The following CCDC158 variants were observed in gnomAD, a reference collection of about 807,000 sequenced individuals.
CCDC158 encodes the protein coiled-coil domain containing 158.
CCDC158 carries 116 observed loss-of-function variants against 138.6 expected under a neutral mutation model. The observed-to-expected ratio is 0.84, with a 90% confidence interval of 0.72 to 0.98. The LOEUF is 0.98. Among genes scored for constraint, CCDC158 ranks in the 50% least tolerant of loss-of-function variants. CCDC158 has a pLI of 0.00. For synonymous variants in CCDC158, 436 were observed against 442.4 expected (o/e 0.99, Z 0.18); for missense variants, 1,265 against 1,306.1 (o/e 0.97, Z 0.48).
chr4:76,392,985 A>T (rs1355116200), intron 4 of CCDC158, among the ~76,000 whole-genome samples: 1 of 152,104 alleles, frequency 6.6e-6, no homozygotes, highest in Non-Finnish European at 1.5e-5. Flanking sequence ...ATGGAAGAGG[A>T]CACTAAAAAT....
chr4:76,371,651 T>C, intron 9 of CCDC158, 115 bp from the exon 10 acceptor site: 2 of 1,304,630 alleles, frequency 1.5e-6, no homozygotes, highest in East Asian at 2.5e-5. Flanking sequence ...AAAAGTTCGT[T>C]GTGAGGCTGG....
intron 18 of CCDC158, among the ~76,000 whole-genome samples, chr4:76,349,035 A>G (rs2110163004): frequency 6.6e-6 from 1 of 152,274 alleles, no homozygotes; most frequent in South Asian, 2.1e-4. Context: ...TATACACCAA[A>G]CCAAAGAGAA....
At chr4:76,393,774 A>G (rs891029820) in intron 4 of CCDC158, among the ~76,000 whole-genome samples, 1 of 152,072 alleles carries the variant, frequency 6.6e-6, no homozygotes, top group African/African-American at 2.4e-5. Flanking sequence ...AGCTCAAACA[A>G]CTCTATAGGA....
At chr4:76,364,434 G>A (rs1724454888) in intron 12 of CCDC158, among the ~76,000 whole-genome samples, 1 of 152,168 alleles carries the variant, frequency 6.6e-6, no homozygotes, top group Non-Finnish European at 1.5e-5. Flanking sequence ...GCCAAACTAA[G>A]TTATGTGCTG....
rs1334007488 is a variant in CCDC158, at chr4:76,396,430, A to C, written c.127T>G (p.Ser43Ala). The change falls in exon 4 of 25, where the codon TCT becomes GCT. Residue 43 changes from serine (S) to alanine (A), a missense_variant. Physicochemically the swap from Ser to Ala is moderately conservative, Grantham distance 99. Coordinates refer to ENST00000682701, the MANE Select transcript of CCDC158 (RefSeq NM_001394954.1). ...ACCTGTGTCAAAGTCCCAGCTGAAG[A>C]TGTGTTTTCAATTATTGTACCACGA... ...SIRGTIIENTSSAGTLTQVPF... is the reference protein window; with the variant it reads ...SIRGTIIENTASAGTLTQVPF... 1 of 1,614,066 alleles carries C rather than the reference A, an allele frequency of 6.2e-7. No homozygotes were observed.
At chr4:76,330,894 G>A (rs560848646) in intron 21 of CCDC158, among the ~76,000 whole-genome samples, 4 of 152,142 alleles carry the variant, frequency 2.6e-5, no homozygotes, top group Admixed American at 2.6e-4. Flanking sequence ...CAAATTCACT[G>A]TATTTTGATC....
At chr4:76,402,146 T>C (rs895775744) in intron 3 of CCDC158, 2 of 152,290 alleles carry the variant, frequency 1.3e-5, no homozygotes, top group South Asian at 2.1e-4. Context: ...GCTTCTGAGA[T>C]AGACCATTAA....
At chr4:76,374,480 T>C (rs1560443150) in intron 9 of CCDC158, among the ~76,000 whole-genome samples, 1 of 152,218 alleles carries the variant, frequency 6.6e-6, no homozygotes, top group Non-Finnish European at 1.5e-5. Flanking sequence ...TCTTGTCTAG[T>C]TTCTGTTACA....
intron 23 of CCDC158, among the ~76,000 whole-genome samples, chr4:76,324,491 G>GT (rs1560783506): frequency 1.3e-5 from 2 of 151,958 alleles, no homozygotes; most frequent in African/African-American, 2.4e-5. Flanking sequence ...CCAGCCAGAA[G>GT]TTTTTAACAT....
Position 76,407,921 on chromosome 4 carries a change from C to T in CCDC158, c.-74+4169G>A, listed in dbSNP as rs1324368888. Among the ~76,000 whole-genome samples, 3 of 152,114 alleles carry T rather than the reference C, an allele frequency of 2.0e-5. No homozygotes were observed. The East Asian group carries it at 5.8e-4, about 29-fold the overall frequency. On this transcript the variant is annotated intron_variant, in intron 2 of 24. Coordinates refer to ENST00000682701, the MANE Select transcript of CCDC158 (RefSeq NM_001394954.1). ...TGAATGCTTGCGTTATTCATCATAA[C>T]TCACTATGAATGCTTGTGTTATTCA...
chr4:76,419,197 A>C (rs1447649787), intron 1 of CCDC158, among the ~76,000 whole-genome samples: 1 of 152,188 alleles, frequency 6.6e-6, no homozygotes, highest in African/African-American at 2.4e-5. Flanking sequence ...TACCTCCTTC[A>C]TATGCACCAC....
intron 4 of CCDC158, among the ~76,000 whole-genome samples, chr4:76,390,417 G>C (rs1314271335): frequency 6.6e-6 from 1 of 151,882 alleles, no homozygotes; most frequent in Non-Finnish European, 1.5e-5. Context: ...GCATGGTAGT[G>C]GGTTATCAGA....
intron 2 of CCDC158, among the ~76,000 whole-genome samples, chr4:76,404,596 AAAAC>A (rs141631842): frequency 6.6e-6 from 1 of 152,344 alleles, no homozygotes; most frequent in African/African-American, 2.4e-5. Flanking sequence ...AGAGAAATAA[AAAAC>A]AAAACTATAT....
At chr4:76,345,096 GC>G in intron 18 of CCDC158, 3 of 1,270,792 alleles carry the variant, frequency 2.4e-6, no homozygotes, top group Non-Finnish European at 3.5e-6. Flanking sequence ...AAAAATTGTT[GC>G]CGATGTCTAT....
intron 18 of CCDC158, among the ~76,000 whole-genome samples, chr4:76,337,926 G>A (rs932888285): frequency 2.0e-5 from 3 of 152,244 alleles, no homozygotes; most frequent in East Asian, 1.9e-4. Flanking sequence ...GACCGGTACC[G>A]GCCCATGGTC....
At chr4:76,333,162 A>G (rs1177480834) in intron 19 of CCDC158, among the ~76,000 whole-genome samples, 1 of 152,196 alleles carries the variant, frequency 6.6e-6, no homozygotes, top group Non-Finnish European at 1.5e-5. Context: ...ATTATTACTA[A>G]TAATTAACAA....
At chr4:76,317,235 A>T (rs1007942019) in intron 24 of CCDC158, among the ~76,000 whole-genome samples, 1 of 152,114 alleles carries the variant, frequency 6.6e-6, no homozygotes, top group Non-Finnish European at 1.5e-5. Context: ...TCTTCAAGAG[A>T]CTCACCTAAT....
intron 24 of CCDC158, among the ~76,000 whole-genome samples, chr4:76,322,718 G>C (rs767017272): frequency 2.4e-4 from 36 of 152,164 alleles, no homozygotes; most frequent in Non-Finnish European, 4.4e-4. Flanking sequence ...TGAATCATGA[G>C]GGCTCCCCCA....
chr4:76,418,729 C>T (rs1579131022), intron 1 of CCDC158, among the ~76,000 whole-genome samples: 1 of 152,114 alleles, frequency 6.6e-6, no homozygotes, highest in East Asian at 1.9e-4. Flanking sequence ...CCCCATGATT[C>T]AATTACCTTC....
Sources: gnomAD v4.1 joint callset for allele counts (sites outside exome capture counted in the v4.1 genomes callset) on GRCh38, gnomAD v4.1.1 for gene constraint, MANE v1.5 for transcripts, NCBI Gene and HGNC (gene_info 2026-07-23, HGNC 2026-07-21) for gene names.